Variants in PLS3 observed in about 807,000 individuals in gnomAD.
PLS3 encodes plastin 3, also known as plastin-3.
PLS3 carries 11 observed loss-of-function variants against 46.5 expected under a neutral mutation model. The ratio of observed to expected loss-of-function variants is 0.24; its 90% CI spans 0.15 to 0.39. The LOEUF (loss-of-function observed/expected upper bound fraction) is 0.39. Ranked by LOEUF, PLS3 falls within the 10% of genes least tolerant of loss-of-function variation. The pLI is 1.00. For missense variants in PLS3, 308 were observed against 461.8 expected, an observed-to-expected ratio of 0.67 and a Z score of 3.05; for synonymous variants, 167 against 162.2, an observed-to-expected ratio of 1.03 and a Z score of -0.22.
At chrX:115,572,347 A>G (rs1479684774) in intron 1 of PLS3, among the ~76,000 whole-genome samples, 3 of 111,511 alleles carry the variant, frequency 2.7e-5, no homozygotes, top group Non-Finnish European at 3.8e-5. Flanking sequence ...TAAAAATAGA[A>G]AATAAATTTT....
intron 1 of PLS3, among the ~76,000 whole-genome samples, chrX:115,593,902 T>C (rs373962214): frequency 9.9e-5 from 11 of 111,389 alleles, no homozygotes; most frequent in Admixed American, 3.8e-4. Flanking sequence ...GAGTTTATAC[T>C]TTTTAAAAAT....
chrX:115,627,078 C>T (rs978127490), intron 3 of PLS3, among the ~76,000 whole-genome samples: 1 of 110,494 alleles, frequency 9.1e-6, no homozygotes, highest in African/African-American at 3.3e-5. Flanking sequence ...TGAACTCCTC[C>T]TGACCTCAAG....
intron 8 of PLS3, among the ~76,000 whole-genome samples, chrX:115,638,496 C>T (rs1053364211): frequency 2.1e-4 from 23 of 110,867 alleles, no homozygotes; most frequent in Non-Finnish European, 4.0e-4. Flanking sequence ...CCTCCCACCT[C>T]GGCCTCCTAA....
intron 2 of PLS3, among the ~76,000 whole-genome samples, chrX:115,613,933 AATTTTTTT>A (rs202172107): frequency 0.018 from 1,971 of 111,471 alleles, 23 homozygotes; most frequent in Middle Eastern, 0.047. Flanking sequence ...GCCTGCTTTG[AATTTTTTT>A]ATTTTTTTAT....
chrX:115,631,605 C>T lies in PLS3; in HGVS notation c.500+1638C>T, dbSNP rs138122975. On this transcript the variant is annotated intron_variant, in intron 5 of 15. Transcript: ENST00000355899. ...AAAATTAACCCAACATGGGGTTGCA[C>T]CCCTTTAGTCCCAGCTACTTGAGAG... Among the ~76,000 whole-genome samples, 300 of 110,612 alleles carry T rather than the reference C, an allele frequency of 2.7e-3. 2 individuals carry two copies. The highest frequency in any genetic ancestry group is 9.1e-3 in the African/African-American group (276 of 30,456).
intron 1 of PLS3, among the ~76,000 whole-genome samples, chrX:115,588,379 G>A (rs935320191): frequency 3.6e-5 from 4 of 112,017 alleles, no homozygotes; most frequent in Non-Finnish European, 5.6e-5. Context: ...GAATGCAGAA[G>A]CAGATATGAA....
chrX:115,637,034 A>G lies in PLS3; in HGVS notation c.891+56A>G, dbSNP rs2074844745. 4 of 1,081,137 alleles carry G rather than the reference A, an allele frequency of 3.7e-6. No homozygotes were observed. In the African/African-American group the frequency reaches 5.5e-5, roughly 15 times the overall value. 89.1% of individuals were successfully genotyped at this position (1,081,137 alleles called of 1,213,427 possible). A position where few individuals can be genotyped will look rare whatever the true frequency, so the allele number is the denominator to read the frequency against. ...GGGGATATAATAGCTGGAAGATTTC[A>G]TCCCAGCTTAACAGAGAGAAAATCC... On this transcript the variant is annotated intron_variant, in intron 8 of 15. Transcript: ENST00000355899.
At chrX:115,569,909 A>G (rs1556630503) in intron 1 of PLS3, among the ~76,000 whole-genome samples, 1 of 111,747 alleles carries the variant, frequency 8.9e-6, no homozygotes, top group African/African-American at 3.3e-5. Flanking sequence ...AGCATAAAGT[A>G]TGGGTTCCAA....
At chrX:115,587,071 A>G (rs781902528) in intron 1 of PLS3, among the ~76,000 whole-genome samples, 1 of 112,184 alleles carries the variant, frequency 8.9e-6, no homozygotes, top group Non-Finnish European at 1.9e-5. Context: ...ATAAAACTAA[A>G]TTGTTATTTG....
At chrX:115,576,474 G>A (rs1201448713) in intron 1 of PLS3, among the ~76,000 whole-genome samples, 1 of 111,856 alleles carries the variant, frequency 8.9e-6, no homozygotes, top group Non-Finnish European at 1.9e-5. Context: ...AGGAGGCTGA[G>A]GTGGGAGGGT....
In PLS3 at chrX:115,650,470, A is replaced by C. The variant is rs782366388; in HGVS notation, c.*909A>C. ...GGGATTTGGTAGGCCAAGTATGCTAAGTGTACAATATATTTTTTAATTTTA... is the reference window on the plus strand; with the variant it reads ...GGGATTTGGTAGGCCAAGTATGCTACGTGTACAATATATTTTTTAATTTTA... On this transcript the variant is annotated 3_prime_UTR_variant, in exon 16 of 16. Coordinates refer to ENST00000355899, the MANE Select transcript of PLS3 (RefSeq NM_005032.7). 12 of 112,123 alleles carry C rather than the reference A, an allele frequency of 1.1e-4. No homozygotes were observed. Among genetic ancestry groups the C allele is most frequent in the Non-Finnish European group, 1.5e-4 (8 of 53,206 alleles). The allele number at this position is 112,123 out of a possible 1,213,427, so 9.2% of individuals were successfully genotyped here. A position where few individuals can be genotyped will look rare whatever the true frequency, so the allele number is the denominator to read the frequency against.
chrX:115,642,746 C>G (rs2074911231), intron 9 of PLS3, among the ~76,000 whole-genome samples: 1 of 111,291 alleles, frequency 9.0e-6, no homozygotes, highest in Non-Finnish European at 1.9e-5. Flanking sequence ...AGAGAATGAA[C>G]CCACAATTTA....
At chrX:115,561,312 G>T (rs1249588725) in intron 1 of PLS3, 52 bp downstream of exon 1, 2 of 111,299 alleles carry the variant, frequency 1.8e-5, no homozygotes, top group Non-Finnish European at 3.8e-5. Flanking sequence ...TTTCCTGGGC[G>T]TGGGCAGGAG....
chrX:115,629,362 T>G, intron 4 of PLS3, 35 bp downstream of exon 4: 1 of 1,133,718 alleles, frequency 8.8e-7, no homozygotes, highest in Non-Finnish European at 1.2e-6. Context: ...TAACACAATG[T>G]GCTAAGTGGG....
At chrX:115,608,595 A>G (rs1446188197) in intron 1 of PLS3, among the ~76,000 whole-genome samples, 1 of 112,201 alleles carries the variant, frequency 8.9e-6, no homozygotes, top group Non-Finnish European at 1.9e-5. Context: ...GATCGAATGT[A>G]TGATAGTAGT....
At chrX:115,644,995 G>C (rs1556641484) in intron 10 of PLS3, 26 bp from the exon 11 acceptor site, 1 of 995,808 alleles carries the variant, frequency 1.0e-6, no homozygotes, top group East Asian at 3.1e-5. Context: ...TAATGAATCA[G>C]TAAATTTTGT....
chrX:115,645,155 A>G, intron 11 of PLS3, 56 bp downstream of exon 11: 1 of 695,422 alleles, frequency 1.4e-6, no homozygotes, highest in Non-Finnish European at 2.3e-6. Context: ...TGGATGTTAA[A>G]TAATGACAGC....
chrX:115,612,002 C>CTA (rs1450427384), intron 2 of PLS3, among the ~76,000 whole-genome samples: 1 of 111,640 alleles, frequency 9.0e-6, no homozygotes, highest in Admixed American at 9.5e-5. Flanking sequence ...GCTCTTATTA[C>CTA]TATATATGCT....
chrX:115,642,038 C>CTTT (rs782288958), intron 9 of PLS3, among the ~76,000 whole-genome samples: 9 of 65,694 alleles, frequency 1.4e-4, no homozygotes, highest in African/African-American at 2.4e-4. Flanking sequence ...TCTTTAGGGT[C>CTTT]TTTTTTTTTT....
Sources: gnomAD v4.1 joint callset for allele counts (sites outside exome capture counted in the v4.1 genomes callset) on GRCh38, gnomAD v4.1.1 for gene constraint, MANE v1.5 for transcripts, NCBI Gene and HGNC (gene_info 2026-07-23, HGNC 2026-07-21) for gene names.